CDH11: variants seen among roughly 807,000 people sequenced by gnomAD.
The protein encoded by CDH11 is cadherin 11, also known as cadherin-11.
A neutral mutation model predicts 67.8 loss-of-function variants in CDH11; 11 were observed. That is an observed-to-expected ratio of 0.16 (90% CI 0.10 to 0.27). The LOEUF is 0.27. CDH11 is among the 10% of genes least tolerant of loss of function. CDH11 has a pLI of 1.00. For missense variants in CDH11, 847 were observed against 1,031.2 expected (o/e 0.82, Z 2.45); for synonymous variants, 419 against 400.0 (o/e 1.05, Z -0.57).
At chr16:65,056,444 C>T (rs1476762366) in intron 1 of CDH11, among the ~76,000 whole-genome samples, 1 of 152,158 alleles carries the variant, frequency 6.6e-6, no homozygotes, top group African/African-American at 2.4e-5. Context: ...AATCAATCCA[C>T]AAAACTGTAA....
intron 12 of CDH11, 121 bp from the exon 13 acceptor site, chr16:64,948,220 T>A: frequency 1.5e-6 from 2 of 1,294,228 alleles, no homozygotes; most frequent in Non-Finnish European, 2.1e-6. Context: ...GGAAACAGTA[T>A]AGGAAATGAG....
At chr16:65,123,297 G>A (rs1343941305), upstream of CDH11, among the ~76,000 whole-genome samples, 1 of 152,010 alleles carries the variant, frequency 6.6e-6, no homozygotes, top group East Asian at 2.0e-4. Flanking sequence ...AGTGGGTGAA[G>A]GCTAAAAAGG....
chr16:64,967,543 T>C (rs189608151), intron 11 of CDH11, among the ~76,000 whole-genome samples: 1 of 152,286 alleles, frequency 6.6e-6, no homozygotes, highest in Non-Finnish European at 1.5e-5. Flanking sequence ...TGGAAAACAA[T>C]GTACGTACTT....
chr16:65,053,280 G>A (rs2142716920), intron 2 of CDH11, among the ~76,000 whole-genome samples: 1 of 152,250 alleles, frequency 6.6e-6, no homozygotes, highest in African/African-American at 2.4e-5. Flanking sequence ...CCAGTAAATG[G>A]CTTATTAATC....
intron 8 of CDH11, among the ~76,000 whole-genome samples, chr16:64,978,214 C>A (rs1247313902): frequency 6.6e-6 from 1 of 152,148 alleles, no homozygotes; most frequent in Non-Finnish European, 1.5e-5. Context: ...CAAGCCAAAT[C>A]AGGAGTTATT....
chr16:64,976,346 T>C (rs2072165694), intron 8 of CDH11, among the ~76,000 whole-genome samples: 1 of 151,940 alleles, frequency 6.6e-6, no homozygotes. Context: ...TAAAGGGAGA[T>C]AATATTTCAG....
At chr16:65,025,159 C>T (rs1437727482) in intron 2 of CDH11, among the ~76,000 whole-genome samples, 1 of 152,096 alleles carries the variant, frequency 6.6e-6, no homozygotes, top group Non-Finnish European at 1.5e-5. Flanking sequence ...TCTCTGTTTC[C>T]TTTTATGAAA....
Position 64,947,735 on chromosome 16 carries a change from C to A in CDH11, c.2259G>T (p.Gly753=). 6.2e-7 allele frequency: 1 copy of A among 1,614,154 alleles called. No homozygotes were observed. The highest frequency in any genetic ancestry group is 8.5e-7 in the Non-Finnish European group (1 of 1,180,000). The change falls in exon 13 of 13, where the codon GGG becomes GGT. Residue 753 remains glycine, a synonymous_variant. Coordinates refer to ENST00000268603, the MANE Select transcript of CDH11 (RefSeq NM_001797.4). ...TGGCCGACTCTAGGGAGCTCAGGGACCCGGCCACTGAGCCCCTGCCTTCAT... is the reference window on the plus strand; with the variant it reads ...TGGCCGACTCTAGGGAGCTCAGGGAACCGGCCACTGAGCCCCTGCCTTCAT... ...YGYEGRGSVA[G]SLSSLESATT...
At chr16:65,022,562 C>A (rs1052693068) in intron 2 of CDH11, among the ~76,000 whole-genome samples, 15 of 152,180 alleles carry the variant, frequency 9.9e-5, no homozygotes, top group African/African-American at 3.6e-4. Flanking sequence ...TGAAAATTCC[C>A]ACCTTCTGTA....
chr16:64,947,363 G>GTTT lies in CDH11; in HGVS notation c.*237_*239dup. On this transcript the variant is annotated 3_prime_UTR_variant, in exon 13 of 13. Coordinates refer to ENST00000268603, the MANE Select transcript of CDH11 (RefSeq NM_001797.4). ...CACTTAAATATTTTGTATGCCAAGT[G>GTTT]TTTTTTTTTTCTAGCGAAGTTGATA... 2.6e-6 allele frequency: 3 copies of GTTT among 1,148,596 alleles called. No individual in the cohort carries two copies. Among genetic ancestry groups the GTTT allele is most frequent in the East Asian group, 3.5e-5 (1 of 28,500 alleles). 71.2% of individuals were successfully genotyped at this position (1,148,596 alleles called of 1,614,324 possible). A position where few individuals can be genotyped will look rare whatever the true frequency, so the allele number is the denominator to read the frequency against.
intron 3 of CDH11, among the ~76,000 whole-genome samples, chr16:65,000,056 T>C (rs1448139358): frequency 6.6e-6 from 1 of 152,204 alleles, no homozygotes; most frequent in East Asian, 1.9e-4. Flanking sequence ...GGTTGATATG[T>C]ATACAATTTC....
chr16:64,994,370 A>G (rs1428992767), intron 4 of CDH11, among the ~76,000 whole-genome samples: 1 of 152,210 alleles, frequency 6.6e-6, no homozygotes, highest in Non-Finnish European at 1.5e-5. Flanking sequence ...TTTGTATTTC[A>G]CATCTATTTC....
Position 64,948,028 on chromosome 16 carries a change from C to T in CDH11, c.1966G>A (p.Val656Ile), listed in dbSNP as rs751145538. ...TCATAAGTAATGATGTTCTCACGGA[C>T]ATCTTCTTCCTCAAAGACAATGAGT... is the stretch of plus-strand genomic sequence containing the variant. ...EPLIVFEEED[V>I]RENIITYDDE... Residue 656 changes from valine (V) to isoleucine (I), a missense_variant, in exon 13 of 13, where the codon GTC (valine) becomes ATC (isoleucine). By Grantham distance (29) the Val-to-Ile change is conservative (BLOSUM62 3). This residue lies in a region of CDH11 where 612 missense variants were observed against 678.7 expected (regional missense o/e 0.90). Coordinates refer to ENST00000268603, the MANE Select transcript of CDH11 (RefSeq NM_001797.4). The T allele has an allele frequency of 1.2e-6, 2 of 1,614,156 alleles. No individual in the cohort carries two copies. Among genetic ancestry groups the T allele is most frequent in the Non-Finnish European group, 1.7e-6 (2 of 1,180,026 alleles).
chr16:64,980,232 T>C (rs907848200), intron 8 of CDH11, among the ~76,000 whole-genome samples: 3 of 152,066 alleles, frequency 2.0e-5, no homozygotes, highest in Non-Finnish European at 2.9e-5. Context: ...CTTCATGATA[T>C]GTAAATTTTT....
chr16:65,112,939 G>A (rs373246945), intron 1 of CDH11, among the ~76,000 whole-genome samples: 2 of 152,236 alleles, frequency 1.3e-5, no homozygotes, highest in Admixed American at 6.5e-5. Context: ...ATGAACTAAT[G>A]ATACGTTTAC....
At chr16:64,978,270 C>A (rs969231662) in intron 8 of CDH11, among the ~76,000 whole-genome samples, 1 of 151,878 alleles carries the variant, frequency 6.6e-6, no homozygotes, top group Non-Finnish European at 1.5e-5. Context: ...GAATTTGGGC[C>A]ATGTACTCTG....
At chr16:64,948,411 A>C (rs1163333419) in intron 12 of CDH11, 3 of 609,972 alleles carry the variant, frequency 4.9e-6, no homozygotes, top group Admixed American at 3.0e-5. Flanking sequence ...GAAGATTCTA[A>C]ATATGTTGGT....
chr16:65,119,512 G>A (rs141037771), intron 1 of CDH11, among the ~76,000 whole-genome samples: 18 of 152,210 alleles, frequency 1.2e-4, no homozygotes, highest in African/African-American at 3.9e-4. Flanking sequence ...TATCAAGATG[G>A]TCCACTGCTT....
chr16:64,973,048 G>T lies in CDH11; in HGVS notation c.1254-8C>A. The T allele has an allele frequency of 6.2e-7, 1 of 1,612,508 alleles. No homozygotes were observed. ...TGACGATCGATGGAATACCTAAGCA[G>T]AATGCAAATGAGGCAATTAGACCAA... On this transcript the variant is annotated splice_region_variant and splice_polypyrimidine_tract_variant and intron_variant, in intron 8 of 12. Coordinates refer to ENST00000268603, the MANE Select transcript of CDH11 (RefSeq NM_001797.4).
Sources: allele counts gnomAD v4.1 joint callset (sites outside exome capture counted in the v4.1 genomes callset), GRCh38; gene constraint gnomAD v4.1.1; regional missense constraint gnomAD v4.1.1; transcripts MANE v1.5; gene names NCBI Gene and HGNC (gene_info 2026-07-23, HGNC 2026-07-21).